Variants in THOC2 observed in about 807,000 individuals in gnomAD.
THOC2 encodes the protein THO complex 2.
A neutral mutation model predicts 128.4 loss-of-function variants in THOC2; 10 were observed. The ratio of observed to expected loss-of-function variants is 0.08; its 90% confidence interval spans 0.05 to 0.13. The LOEUF (loss-of-function observed/expected upper bound fraction) is 0.13, where lower values mean the gene tolerates loss of function less well. Among genes scored for constraint, THOC2 ranks in the 10% least tolerant of loss-of-function variants. The pLI, the probability that THOC2 is intolerant of heterozygous loss-of-function variation, is 1.00. For synonymous variants in THOC2, 393 were observed against 396.9 expected (o/e 0.99, Z 0.12); for missense variants, 535 against 1,155.7 (o/e 0.46, Z 7.79).
rs939398560 is a variant in THOC2, at chrX:123,664,691, G to C, written c.1386+951C>G. On this transcript the variant is annotated intron_variant, in intron 12 of 38. Coordinates refer to ENST00000245838, the MANE Select transcript of THOC2 (RefSeq NM_001081550.2). ...CAGTTAGAATGGCGATCATTAAAAA[G>C]TCAGAAAACAACAGGTGCTGGAGAG... Among the ~76,000 whole-genome samples the C allele has an allele frequency of 4.5e-5, 5 of 111,802 alleles. No homozygotes were observed. In the Admixed American group the frequency reaches 4.8e-4, roughly 11 times the overall value.
rs142040476 is a variant in THOC2 at position 123,658,873 on chromosome X, A to C, written c.1386+6769T>G. Among the ~76,000 whole-genome samples, 388 of 111,946 alleles carry C rather than the reference A, an allele frequency of 3.5e-3. 2 individuals carry two copies. The highest frequency in any genetic ancestry group is 0.012 in the African/African-American group (370 of 30,849). ...GTAACAAATGTACCACTCTGGTGGG[A>C]GATGTTGATTACAAGGGAGGCTGTG... On this transcript the variant is annotated intron_variant, in intron 12 of 38. Transcript: ENST00000245838.
chrX:123,676,503 A>G (rs1469780119), intron 8 of THOC2, among the ~76,000 whole-genome samples: 1 of 112,017 alleles, frequency 8.9e-6, no homozygotes, highest in Non-Finnish European at 1.9e-5. Flanking sequence ...AAAAAAACTT[A>G]CACCAACCAG....
chrX:123,700,554 TG>T (rs2050660343), intron 4 of THOC2, among the ~76,000 whole-genome samples: 1 of 9,248 alleles, frequency 1.1e-4, no homozygotes, highest in Non-Finnish European at 1.8e-4. Flanking sequence ...TGGGGGGGGG[TG>T]GGGGGGTGGG....
At chrX:123,716,872 C>A (rs1221198958) in intron 1 of THOC2, among the ~76,000 whole-genome samples, 1 of 109,470 alleles carries the variant, frequency 9.1e-6, no homozygotes, top group Non-Finnish European at 1.9e-5. Context: ...CACCACTGCA[C>A]TCCAGCCTGG....
chrX:123,670,931 G>C (rs1179157847), intron 9 of THOC2, among the ~76,000 whole-genome samples: 8 of 111,975 alleles, frequency 7.1e-5, no homozygotes, highest in African/African-American at 2.3e-4. Context: ...AGGCAATGAT[G>C]TTAATAAAGT....
intron 24 of THOC2, 122 bp downstream of exon 24, chrX:123,626,399 G>A: frequency 1.4e-6 from 1 of 735,164 alleles, no homozygotes; most frequent in East Asian, 3.6e-5. Flanking sequence ...AATAACCAAA[G>A]AATGGGATAG....
In THOC2 at chrX:123,693,410, T is replaced by G. The variant is rs762789359; in HGVS notation, c.601+2611A>C. On this transcript the variant is annotated intron_variant, in intron 7 of 38. Coordinates refer to ENST00000245838, the MANE Select transcript of THOC2 (RefSeq NM_001081550.2). ...GAACCTGGGAGGCAGAGGTTGCGGATAGCCAAGATTGTACCACTGCACTCT... is the reference window on the plus strand; with the variant it reads ...GAACCTGGGAGGCAGAGGTTGCGGAGAGCCAAGATTGTACCACTGCACTCT... Among the ~76,000 whole-genome samples, 635 of 111,855 alleles carry G rather than the reference T, an allele frequency of 5.7e-3. 5 individuals are homozygous for G. The highest frequency in any genetic ancestry group is 9.0e-3 in the Non-Finnish European group (479 of 53,103).
intron 8 of THOC2, among the ~76,000 whole-genome samples, chrX:123,673,446 C>G (rs1569408116): frequency 8.9e-6 from 1 of 112,081 alleles, no homozygotes; most frequent in African/African-American, 3.2e-5. Context: ...AACAAACTCA[C>G]AAAAGCTTAT....
intron 12 of THOC2, among the ~76,000 whole-genome samples, chrX:123,656,010 C>G (rs1290490940): frequency 9.2e-6 from 1 of 108,225 alleles, no homozygotes; most frequent in Non-Finnish European, 1.9e-5. Context: ...AAGCAAGACT[C>G]TGTCTGGGGA....
At chrX:123,725,923 AG>A (rs1304409612) in intron 1 of THOC2, among the ~76,000 whole-genome samples, 1 of 111,640 alleles carries the variant, frequency 9.0e-6, no homozygotes, top group African/African-American at 3.3e-5. Context: ...ATATAATAGC[AG>A]GGGCCAGGCA....
In THOC2 at chrX:123,621,487, C is replaced by T; in HGVS notation, c.3886G>A (p.Gly1296Ser). Residue 1296 changes from glycine (G) to serine (S), a missense_variant, in exon 31 of 39, where the codon GGT (glycine) becomes AGT (serine). Around this residue, in one of 9 missense-constraint regions of THOC2, gnomAD observed 116 missense variants for 180.0 expected, o/e 0.64. Coordinates refer to ENST00000245838, the MANE Select transcript of THOC2 (RefSeq NM_001081550.2). ...TTTGGTTTTTCTTTACCATCTTTAC[C>T]AAGTACCCTGGCCTCTGGAGTAGTA... ...PATTPEARVL[G>S]KDGKEKPKEE... is the part of the protein sequence containing the mutation. 8.3e-7 allele frequency: 1 copy of T among 1,210,676 alleles called. No homozygotes were observed. Among genetic ancestry groups the T allele is most frequent in the Non-Finnish European group, 1.1e-6 (1 of 895,251 alleles).
chrX:123,671,943 C>T (rs1034873806), intron 8 of THOC2, among the ~76,000 whole-genome samples, 182 bp from the exon 9 acceptor site: 2 of 111,912 alleles, frequency 1.8e-5, no homozygotes. Flanking sequence ...GCCAACATCC[C>T]TTTTCACATT....
intron 2 of THOC2, among the ~76,000 whole-genome samples, chrX:123,710,887 G>A (rs1225452988): frequency 9.6e-6 from 1 of 104,077 alleles, no homozygotes; most frequent in Non-Finnish European, 2.0e-5. Flanking sequence ...CTACTCGGGA[G>A]GCTGAGGCAG....
chrX:123,621,630 A>C, intron 30 of THOC2, 43 bp from the exon 31 acceptor site: 1 of 944,816 alleles, frequency 1.1e-6, no homozygotes, highest in Non-Finnish European at 1.4e-6. Flanking sequence ...ATAATCATAA[A>C]ATATATCCTT....
In THOC2 at chrX:123,634,076, C is replaced by T. The variant is rs772962258; in HGVS notation, c.2019-6G>A. ...TCAATATAAGCAGGTCAAAACTATT[C>T]AAAAAGAAAAAAGAAACAGTCTATA... On this transcript the variant is annotated splice_region_variant and splice_polypyrimidine_tract_variant and intron_variant, in intron 19 of 38. Transcript: ENST00000245838. The T allele has an allele frequency of 4.1e-5, 43 of 1,060,128 alleles. No individual in the cohort carries two copies. The East Asian group carries it at 8.9e-4, about 22-fold the overall frequency. The allele number at this position is 1,060,128 out of a possible 1,213,427, so 87.4% of individuals were successfully genotyped here.
chrX:123,603,359 C>A, intron 38 of THOC2: 1 of 280,740 alleles, frequency 3.6e-6, no homozygotes. Flanking sequence ...TAGGAGTTCA[C>A]ACACAAAGAC....
intron 22 of THOC2, among the ~76,000 whole-genome samples, chrX:123,630,481 CGG>C (rs1488916174): frequency 7.8e-4 from 85 of 108,391 alleles, no homozygotes; most frequent in Middle Eastern, 4.7e-3. Flanking sequence ...GGTGTGGTGG[CGG>C]GCACCTGTAA....
At chrX:123,622,215 T>C (rs779177593) in intron 30 of THOC2, among the ~76,000 whole-genome samples, 2 of 110,946 alleles carry the variant, frequency 1.8e-5, no homozygotes, top group Non-Finnish European at 3.8e-5. Context: ...CTGGTCAACA[T>C]GGCAAAACCC....
intron 2 of THOC2, among the ~76,000 whole-genome samples, chrX:123,708,967 G>A (rs2051059311): frequency 9.0e-6 from 1 of 111,425 alleles, no homozygotes; most frequent in Non-Finnish European, 1.9e-5. Flanking sequence ...GGCTGGTCTT[G>A]AACTCCTGAC....
Sources: allele counts gnomAD v4.1 joint callset (sites outside exome capture counted in the v4.1 genomes callset), GRCh38; gene constraint gnomAD v4.1.1; regional missense constraint gnomAD v4.1.1; transcripts MANE v1.5; gene names NCBI Gene and HGNC (gene_info 2026-07-23, HGNC 2026-07-21).